The following APP variants were observed in gnomAD, a reference collection of about 807,000 sequenced individuals.
APP encodes the protein amyloid-beta precursor protein.
APP carries 31 observed loss-of-function variants against 101.4 expected under a neutral mutation model. The ratio of observed to expected loss-of-function variants is 0.31; its 90% confidence interval spans 0.23 to 0.41. The LOEUF is 0.41. APP is among the 10% of genes least tolerant of loss of function. APP has a pLI of 1.00. For synonymous variants in APP, 366 were observed against 364.4 expected, an observed-to-expected ratio of 1.00 and a Z score of -0.05; for missense variants, 839 against 1,003.7, an observed-to-expected ratio of 0.84 and a Z score of 2.22.
At chr21:25,990,082 ACT>A (rs1198193201) in intron 8 of APP, among the ~76,000 whole-genome samples, 9 of 150,206 alleles carry the variant, frequency 6.0e-5, no homozygotes, top group Admixed American at 2.0e-4. Context: ...GTAATACCAG[ACT>A]CTCTTAAAAA....
chr21:26,029,854 T>C (rs1231042741), intron 5 of APP, among the ~76,000 whole-genome samples: 1 of 152,170 alleles, frequency 6.6e-6, no homozygotes, highest in Non-Finnish European at 1.5e-5. Context: ...CTGTAAGGCC[T>C]AAATACGGAT....
intron 1 of APP, among the ~76,000 whole-genome samples, chr21:26,156,843 T>C (rs961944669): frequency 5.1e-5 from 7 of 137,606 alleles, no homozygotes; most frequent in African/African-American, 1.7e-4. Flanking sequence ...CAAACTTAAC[T>C]ATATGGGCTT....
intron 17 of APP, among the ~76,000 whole-genome samples, chr21:25,884,986 T>C (rs2829968): frequency 0.11 from 17,136 of 152,216 alleles, 967 homozygotes; most frequent in South Asian, 0.13. Flanking sequence ...CCTCTAACTC[T>C]CCTGTCTTTT....
chr21:26,033,070 G>C (rs1459427294), intron 5 of APP, among the ~76,000 whole-genome samples: 1 of 152,128 alleles, frequency 6.6e-6, no homozygotes, highest in Non-Finnish European at 1.5e-5. Flanking sequence ...CTACAAAGAA[G>C]GTAGCAAACA....
chr21:26,121,085 A>T (rs939976244), intron 1 of APP, among the ~76,000 whole-genome samples: 14 of 152,202 alleles, frequency 9.2e-5, no homozygotes, highest in African/African-American at 3.1e-4. Context: ...CAGACTGATC[A>T]TGTGACACTC....
chr21:26,115,767 C>G (rs2062421701), intron 1 of APP, among the ~76,000 whole-genome samples: 1 of 152,104 alleles, frequency 6.6e-6, no homozygotes, highest in Admixed American at 6.5e-5. Flanking sequence ...CAGGTATTTG[C>G]TGCCAGTAAA....
intron 1 of APP, among the ~76,000 whole-genome samples, chr21:26,112,707 G>C (rs1017873800): frequency 1.3e-5 from 2 of 152,172 alleles, no homozygotes; most frequent in African/African-American, 4.8e-5. Context: ...ATATAACTGA[G>C]TATGTTGGCG....
At chr21:25,888,931 T>G (rs1460647274) in intron 17 of APP, among the ~76,000 whole-genome samples, 3 of 152,226 alleles carry the variant, frequency 2.0e-5, no homozygotes, top group African/African-American at 7.2e-5. Context: ...CAAATCCGAC[T>G]GCACATCTCA....
intron 5 of APP, among the ~76,000 whole-genome samples, chr21:26,044,684 C>T (rs921608056): frequency 1.3e-5 from 2 of 152,138 alleles, no homozygotes; most frequent in Non-Finnish European, 2.9e-5. Flanking sequence ...GGATTACAGG[C>T]ATGCGCCACC....
chr21:26,061,898 AC>A (rs1202346953), intron 3 of APP, among the ~76,000 whole-genome samples: 2 of 152,176 alleles, frequency 1.3e-5, no homozygotes, highest in Admixed American at 6.5e-5. Flanking sequence ...ATATACACAC[AC>A]AGATGGCAGA....
In APP at chr21:26,062,655, C is replaced by G. The variant is rs1273461498; in HGVS notation, c.356-9307G>C. 5.3e-5 allele frequency among the ~76,000 whole-genome samples: 4 copies of G among 74,950 alleles called. No individual in the cohort carries two copies. The East Asian group carries it at 1.4e-3, about 27-fold the overall frequency. The allele number at this position is 74,950 out of a possible 152,430, so 49.2% of individuals were successfully genotyped here. On this transcript the variant is annotated intron_variant, in intron 3 of 17. Transcript: ENST00000346798. ...CCAGCCTGGGTGACAGAGGGAGACTCTGTCTCAAATAAATAAATAAATAAA... is the reference window on the plus strand; with the variant it reads ...CCAGCCTGGGTGACAGAGGGAGACTGTGTCTCAAATAAATAAATAAATAAA...
At chr21:26,059,060 G>A (rs866145781) in intron 3 of APP, among the ~76,000 whole-genome samples, 18 of 150,830 alleles carry the variant, frequency 1.2e-4, no homozygotes, top group African/African-American at 3.9e-4. Context: ...CAGCCTGGGC[G>A]ACAGAGCGAG....
chr21:26,166,873 A>AGAGAGAGT (rs1437935487), intron 1 of APP, among the ~76,000 whole-genome samples: 9 of 129,884 alleles, frequency 6.9e-5, no homozygotes, highest in Non-Finnish European at 1.3e-4. Flanking sequence ...CACTCAAGTG[A>AGAGAGAGT]GAGAGAGAGA....
rs368507153 is a variant in APP, at chr21:26,165,623, C to T, written c.57+4941G>A. On this transcript the variant is annotated intron_variant, in intron 1 of 17. Coordinates refer to ENST00000346798, the MANE Select transcript of APP (RefSeq NM_000484.4). ...TTATAAATTGAGAACAACTCTGGTTCGTTCTACAGAGGTGACATTTTTAAA... is the reference window on the plus strand; with the variant it reads ...TTATAAATTGAGAACAACTCTGGTTTGTTCTACAGAGGTGACATTTTTAAA... Among the ~76,000 whole-genome samples the T allele has an allele frequency of 3.9e-5, 6 of 152,318 alleles. No individual in the cohort carries two copies. In the East Asian group the frequency reaches 9.6e-4, roughly 24 times the overall value.
At chr21:26,095,641 G>A (rs926113489) in intron 2 of APP, among the ~76,000 whole-genome samples, 3 of 152,114 alleles carry the variant, frequency 2.0e-5, no homozygotes, top group African/African-American at 7.2e-5. Context: ...ATTCACTGGG[G>A]GTCTTGGAAG....
chr21:25,965,603 T>C (rs3787629), intron 11 of APP, among the ~76,000 whole-genome samples: 15,900 of 152,156 alleles, frequency 0.1, 2,103 homozygotes, highest in African/African-American at 0.3. Flanking sequence ...AAGCCAAACA[T>C]CACCTGGCAT....
Position 26,021,979 on chromosome 21 carries a change from G to C in APP, c.726C>G (p.Ala242=). The C allele has an allele frequency of 6.2e-7, 1 of 1,613,756 alleles. No individual in the cohort carries two copies. Among genetic ancestry groups the C allele is most frequent in the African/African-American group, 1.3e-5 (1 of 74,892 alleles). ...EEVAEVEEEE[A]DDDEDDEDGD... ...CATCCTCATCGTCCTCGTCATCATCGGCTTCTTCTTCTTCCACCTCAGCCA... is the reference window on the plus strand; with the variant it reads ...CATCCTCATCGTCCTCGTCATCATCCGCTTCTTCTTCTTCCACCTCAGCCA... Residue 242 remains alanine (A), a synonymous_variant, in exon 6 of 18, where the codon GCC becomes GCG. Coordinates refer to ENST00000346798, the MANE Select transcript of APP (RefSeq NM_000484.4).
Position 25,911,764 on chromosome 21 carries a change from A to G in APP, c.1886T>C (p.Val629Ala), listed in dbSNP as rs1555893907. 1.9e-6 allele frequency: 3 copies of G among 1,614,100 alleles called. No individual in the cohort carries two copies. Among genetic ancestry groups the G allele is most frequent in the South Asian group, 1.1e-5 (1 of 91,082 alleles). ...QPWHSFGADS[V>A]PANTENEVEP... The stretch of plus-strand genomic sequence containing the variant: ...ACCTTCGTTTTCTGTGTTGGCTGGC[A>G]CAGAGTCAGCCCCAAAAGAATGCCA... The change falls in exon 14 of 18, where the codon GTG (valine) becomes GCG (alanine). Residue 629 changes from valine (V) to alanine (A), a missense_variant. Physicochemically the swap from Val to Ala is moderately conservative, Grantham distance 64 (BLOSUM62 0). Coordinates refer to ENST00000346798, the MANE Select transcript of APP (RefSeq NM_000484.4).
chr21:25,926,273 C>A (rs866562346), intron 13 of APP, among the ~76,000 whole-genome samples: 4 of 152,218 alleles, frequency 2.6e-5, no homozygotes, highest in Admixed American at 6.5e-5. Flanking sequence ...CTACTGAAGA[C>A]ACTTTTAGCA....
Sources: allele counts gnomAD v4.1 joint callset (sites outside exome capture counted in the v4.1 genomes callset), GRCh38; gene constraint gnomAD v4.1.1; transcripts MANE v1.5; gene names NCBI Gene and HGNC (gene_info 2026-07-23, HGNC 2026-07-21).